The following RGS6 variants were observed in gnomAD, a reference collection of about 807,000 sequenced individuals.
RGS6 encodes the protein regulator of G protein signaling 6.
Under a neutral mutation model 78.5 loss-of-function variants are expected in RGS6, and 30 were observed. That is an observed-to-expected ratio of 0.38 (90% CI 0.29 to 0.52). The LOEUF (loss-of-function observed/expected upper bound fraction) is 0.52, where lower values mean the gene tolerates loss of function less well. Ranked by LOEUF, RGS6 falls within the 20% of genes least tolerant of loss-of-function variation. The pLI is 0.85. For missense variants in RGS6, 495 were observed against 609.7 expected (o/e 0.81, Z 1.98); for synonymous variants, 206 against 206.0 (o/e 1.00, Z 0.00).
chr14:72,080,131 T>C (rs2094755454), intron 2 of RGS6, among the ~76,000 whole-genome samples: 1 of 152,176 alleles, frequency 6.6e-6, no homozygotes, highest in African/African-American at 2.4e-5. Flanking sequence ...ATAATAGCTG[T>C]ACTAATGTGC....
chr14:71,870,309 G>A, the RGS6 span, among the ~76,000 whole-genome samples: 61 of 152,276 alleles, frequency 4.0e-4, no homozygotes, highest in African/African-American at 1.4e-3. Context: ...TAGAAAGCAG[G>A]AGGAAAATAG....
intron 2 of RGS6, among the ~76,000 whole-genome samples, chr14:71,973,530 C>T (rs932718992): frequency 1.2e-4 from 19 of 152,104 alleles, no homozygotes; most frequent in South Asian, 8.3e-4. Context: ...ACTAAAAATA[C>T]AAAAATTGGC....
At position 72,298,452 on chromosome 14, in the gene RGS6, TTTTC is replaced by T. The variant is rs1289835598; in HGVS notation, c.85-53642_85-53639del. Among the ~76,000 whole-genome samples, 123 of 71,512 alleles carry T rather than the reference TTTTC, an allele frequency of 1.7e-3. No homozygotes were observed. In the African/African-American group the frequency reaches 0.018, roughly 10 times the overall value. The allele number at this position is 71,512 out of a possible 152,430, so 46.9% of individuals were successfully genotyped here. ...TGTTCTTTTTTTTTTTTTTTTTTTT[TTTTC>T]CCCCCCTCTGAGACAGAGTCTCGCT... On this transcript the variant is annotated intron_variant, in intron 2 of 17. Coordinates refer to ENST00000553525, the MANE Select transcript of RGS6 (RefSeq NM_001204424.2).
At chr14:72,275,801 A>G (rs1236693445) in intron 2 of RGS6, among the ~76,000 whole-genome samples, 1 of 152,206 alleles carries the variant, frequency 6.6e-6, no homozygotes, top group Non-Finnish European at 1.5e-5. Flanking sequence ...TAAGGAACAT[A>G]TTGGAAAATT....
chr14:72,042,911 T>A (rs535859577), intron 2 of RGS6, among the ~76,000 whole-genome samples: 1 of 152,338 alleles, frequency 6.6e-6, no homozygotes, highest in South Asian at 2.1e-4. Context: ...TAGAACTTTT[T>A]CTACCTTTGC....
At chr14:71,895,445 C>T in the RGS6 span, among the ~76,000 whole-genome samples, 3 of 152,020 alleles carry the variant, frequency 2.0e-5, no homozygotes, top group African/African-American at 7.2e-5. Context: ...CCTCAGACTC[C>T]CAAAGTGCTG....
At chr14:72,119,108 T>C (rs2095983044) in intron 2 of RGS6, among the ~76,000 whole-genome samples, 1 of 151,978 alleles carries the variant, frequency 6.6e-6, no homozygotes. Flanking sequence ...AGTAATGAGA[T>C]TGAATTGGGG....
Position 72,203,121 on chromosome 14 carries a change from C to T in RGS6, c.85-148974C>T, listed in dbSNP as rs753194487. ...CGATCTCCTGACCTCATGATCTGCC[C>T]GCCTCGGCCTCCCAAAGTGCTGGGA... is the stretch of plus-strand genomic sequence containing the variant. On this transcript the variant is annotated intron_variant, in intron 2 of 17. Transcript: ENST00000553525. 6.6e-5 allele frequency among the ~76,000 whole-genome samples: 10 copies of T among 152,152 alleles called. 1 individual carries two copies. The highest frequency in any genetic ancestry group is 6.8e-3 in the Middle Eastern group (2 of 294).
At chr14:72,454,180 G>A (rs898249555) in intron 3 of RGS6, among the ~76,000 whole-genome samples, 23 of 152,212 alleles carry the variant, frequency 1.5e-4, no homozygotes, top group African/African-American at 5.5e-4. Flanking sequence ...ATTGATGGTA[G>A]GGAGCTGATG....
chr14:72,227,273 T>A (rs963987117), intron 2 of RGS6, among the ~76,000 whole-genome samples: 2 of 152,230 alleles, frequency 1.3e-5, no homozygotes, highest in Admixed American at 6.5e-5. Context: ...TATTGCATAC[T>A]GTGCAGTTTT....
At chr14:72,008,578 C>T (rs569801740) in intron 2 of RGS6, among the ~76,000 whole-genome samples, 1 of 152,234 alleles carries the variant, frequency 6.6e-6, no homozygotes, top group Non-Finnish European at 1.5e-5. Flanking sequence ...ATGTCGCTCT[C>T]AATATTAGTT....
chr14:72,548,357 G>A (rs1356663889), intron 17 of RGS6, among the ~76,000 whole-genome samples: 1 of 150,160 alleles, frequency 6.7e-6, no homozygotes, highest in South Asian at 2.1e-4. Flanking sequence ...GCGTGTGTGT[G>A]TGTGTGTGTG....
chr14:72,352,744 A>G (rs984888070), intron 3 of RGS6, among the ~76,000 whole-genome samples: 1 of 152,114 alleles, frequency 6.6e-6, no homozygotes, highest in Non-Finnish European at 1.5e-5. Flanking sequence ...TGTACCTACC[A>G]TCCTGCCTTA....
chr14:72,127,420 TTTAA>T (rs1312295905), intron 2 of RGS6, among the ~76,000 whole-genome samples: 3 of 152,212 alleles, frequency 2.0e-5, no homozygotes, highest in Admixed American at 6.5e-5. Context: ...CATTTTAATA[TTTAA>T]TTGTTTTTTC....
intron 2 of RGS6, among the ~76,000 whole-genome samples, chr14:72,067,266 A>G (rs1457637180): frequency 6.6e-6 from 1 of 152,166 alleles, no homozygotes; most frequent in African/African-American, 2.4e-5. Context: ...AACAATGAGA[A>G]CACGTGGATG....
chr14:72,101,150 C>G (rs1434157443), intron 2 of RGS6, among the ~76,000 whole-genome samples: 3 of 152,168 alleles, frequency 2.0e-5, no homozygotes, highest in African/African-American at 7.2e-5. Context: ...TGCACTCTAA[C>G]TTGGGCAGCA....
At chr14:72,538,972 T>C (rs780847785) in intron 16 of RGS6, among the ~76,000 whole-genome samples, 2 of 152,188 alleles carry the variant, frequency 1.3e-5, no homozygotes, top group African/African-American at 2.4e-5. Context: ...CTCATTTCAG[T>C]TATTTGCTGG....
chr14:72,002,786 G>GT (rs2083737661), intron 2 of RGS6, among the ~76,000 whole-genome samples: 1 of 152,100 alleles, frequency 6.6e-6, no homozygotes, highest in Non-Finnish European at 1.5e-5. Flanking sequence ...GTGCATGCTT[G>GT]TTTTTATAAA....
rs547841770 is a variant in RGS6, at chr14:72,053,449, G to C, written c.84+88574G>C. Among the ~76,000 whole-genome samples the C allele has an allele frequency of 2.0e-5, 3 of 152,094 alleles. No individual in the cohort carries two copies. The East Asian group carries it at 5.9e-4, about 30-fold the overall frequency. On this transcript the variant is annotated intron_variant, in intron 2 of 17. Transcript: ENST00000553525. ...ATGTTTTCTTTGAAGTGTTGTTCAG[G>C]GGTCTCTTGCATCAGAATGTCCTGA... is the stretch of plus-strand genomic sequence containing the variant.
Sources: gnomAD v4.1 joint callset for allele counts (sites outside exome capture counted in the v4.1 genomes callset) on GRCh38, gnomAD v4.1.1 for gene constraint, MANE v1.5 for transcripts, NCBI Gene and HGNC (gene_info 2026-07-23, HGNC 2026-07-21) for gene names.